The following PPP4R1 variants were observed in gnomAD, a reference collection of about 807,000 sequenced individuals.
The protein encoded by PPP4R1 is serine/threonine-protein phosphatase 4 regulatory subunit 1.
PPP4R1 carries 42 observed loss-of-function variants against 111.2 expected under a neutral mutation model. That is an observed-to-expected ratio of 0.38 (90% CI 0.29 to 0.49). The LOEUF (loss-of-function observed/expected upper bound fraction) is 0.49. Among genes scored for constraint, PPP4R1 ranks in the 20% least tolerant of loss-of-function variants. PPP4R1 has a pLI of 0.97. For synonymous variants in PPP4R1, 409 were observed against 405.5 expected, an observed-to-expected ratio of 1.01 and a Z score of -0.10; for missense variants, 1,012 against 1,161.6, an observed-to-expected ratio of 0.87 and a Z score of 1.87.
rs576137516 is a variant in PPP4R1, at chr18:9,592,083, C to T, written c.295+1685G>A. On this transcript the variant is annotated intron_variant, in intron 4 of 19. Transcript: ENST00000400556. ...AGACTCTGTCTCAAAAACAAAAACA[C>T]CCAATTAATTGGTATAGTCTTCCAA... 4.6e-5 allele frequency among the ~76,000 whole-genome samples: 7 copies of T among 152,212 alleles called. No homozygotes were observed. The South Asian group carries it at 1.2e-3, about 27-fold the overall frequency.
At chr18:9,563,033 G>A in intron 12 of PPP4R1, 1 of 1,032,384 alleles carries the variant, frequency 9.7e-7, no homozygotes, top group Non-Finnish European at 1.2e-6. Flanking sequence ...GGTCCGATCA[G>A]AAACAAAGCA....
At chr18:9,606,861 G>C (rs2067489892) in intron 2 of PPP4R1, among the ~76,000 whole-genome samples, 1 of 152,026 alleles carries the variant, frequency 6.6e-6, no homozygotes, top group African/African-American at 2.4e-5. Context: ...AAATATTATA[G>C]ATATTTGTTC....
rs2066837480 is a variant in PPP4R1, at chr18:9,570,206, T to C, written c.1524A>G (p.Glu508=). 6.4e-7 allele frequency: 1 copy of C among 1,557,190 alleles called. No individual in the cohort carries two copies. The highest frequency in any genetic ancestry group is 1.4e-5 in the African/African-American group (1 of 72,330). The part of the protein sequence containing the change: ...NITMATRKEL[E]EMIENLEPHI... ...GGGGCTCTAGATTTTCTATCATTTC[T>C]TCCAGTTCCTTTCTGGTGGCCATGG... Residue 508 remains glutamate, a synonymous_variant, in exon 11 of 20, where the codon GAA becomes GAG. Transcript: ENST00000400556.
rs551272543 is a variant in PPP4R1 at position 9,548,715 on chromosome 18, G to C, written c.2689+482C>G. Among the ~76,000 whole-genome samples, 446 of 152,294 alleles carry C rather than the reference G, an allele frequency of 2.9e-3. 2 individuals are homozygous for C. The highest frequency in any genetic ancestry group is 0.01 in the Middle Eastern group (3 of 294). On this transcript the variant is annotated intron_variant, in intron 19 of 19. Transcript: ENST00000400556. The stretch of plus-strand genomic sequence containing the variant: ...GCAGATCACATGAGGTCAGGAGTTC[G>C]AGACCGGCCTGGCCAACATGGTGAA...
At chr18:9,573,320 T>C (rs1036930) in intron 10 of PPP4R1, among the ~76,000 whole-genome samples, 23,772 of 152,146 alleles carry the variant, frequency 0.16, 2,496 homozygotes, top group African/African-American at 0.3. Context: ...AAGAAATACA[T>C]AGTATTTTAA....
At chr18:9,549,865 G>T (rs1598883207) in intron 18 of PPP4R1, 187 bp downstream of exon 18, 2 of 800,970 alleles carry the variant, frequency 2.5e-6, no homozygotes, top group African/African-American at 1.7e-5. Flanking sequence ...GGAGGGGCTT[G>T]GCTAGCTGGG....
At chr18:9,554,325 C>T (rs1239173736) in intron 15 of PPP4R1, among the ~76,000 whole-genome samples, 1 of 151,932 alleles carries the variant, frequency 6.6e-6, no homozygotes, top group Non-Finnish European at 1.5e-5. Context: ...GACGGGGATT[C>T]ACCGTGTTAG....
chr18:9,590,280 T>G (rs1335341888), intron 4 of PPP4R1: 1 of 152,232 alleles, frequency 6.6e-6, no homozygotes, highest in Non-Finnish European at 1.5e-5. Context: ...TTTACAAAGC[T>G]CAGAATCTTA....
chr18:9,577,935 C>T (rs1003711823), intron 9 of PPP4R1, among the ~76,000 whole-genome samples: 2 of 152,070 alleles, frequency 1.3e-5, no homozygotes, highest in Admixed American at 1.3e-4. Flanking sequence ...AATTTGTTCA[C>T]TAGAAGGAAG....
Position 9,595,150 on chromosome 18 carries a change from C to T in PPP4R1, c.56G>A (p.Gly19Asp), listed in dbSNP as rs369573535. ...EDLQEDADGF[G>D]VDDYSSESDV... Reference sequence around the variant, plus strand: ...AGACTCTGAGCTGTAGTCATCCACACCAACTATCAGAGACATCAGAAATAC... The same window carrying T: ...AGACTCTGAGCTGTAGTCATCCACATCAACTATCAGAGACATCAGAAATAC... The change falls in exon 3 of 20, where the codon GGT becomes GAT. Residue 19 changes from glycine to aspartate, a missense_variant. Gly to Asp is a moderately conservative substitution (Grantham distance 94). Transcript: ENST00000400556. 7 of 1,613,468 alleles carry T rather than the reference C, an allele frequency of 4.3e-6. No individual in the cohort carries two copies. In the African/African-American group the frequency reaches 8.0e-5, roughly 18 times the overall value.
chr18:9,611,260 C>T (rs1197811711), intron 2 of PPP4R1, among the ~76,000 whole-genome samples: 2 of 152,166 alleles, frequency 1.3e-5, no homozygotes, highest in African/African-American at 4.8e-5. Flanking sequence ...GACTTGTTTA[C>T]AACTACTCTG....
At chr18:9,596,357 G>A (rs1347302287) in intron 2 of PPP4R1, among the ~76,000 whole-genome samples, 1 of 152,052 alleles carries the variant, frequency 6.6e-6, no homozygotes, top group Non-Finnish European at 1.5e-5. Context: ...ATTATTTCCT[G>A]GCACTTCCTA....
intron 6 of PPP4R1, chr18:9,587,362 C>G (rs1259168071): frequency 6.6e-6 from 1 of 151,266 alleles, no homozygotes; most frequent in Non-Finnish European, 1.5e-5. Context: ...GCAACTTTAA[C>G]AGAAAGCAGC....
At chr18:9,609,399 C>CT (rs1415773869) in intron 2 of PPP4R1, among the ~76,000 whole-genome samples, 1 of 152,086 alleles carries the variant, frequency 6.6e-6, no homozygotes, top group Non-Finnish European at 1.5e-5. Flanking sequence ...AGCAAGGACT[C>CT]TAAGCTTATC....
In PPP4R1 at chr18:9,547,699, C is replaced by T. The variant is rs1341221842; in HGVS notation, c.*90G>A. On this transcript the variant is annotated 3_prime_UTR_variant, in exon 20 of 20. Transcript: ENST00000400556. ...CGCAGGAGAGGAAGGTCTCTCCTCC[C>T]CCGAAAGCTATCCCAGGTCACATGC... The T allele has an allele frequency of 6.7e-7, 1 of 1,496,192 alleles. No homozygotes were observed. Among genetic ancestry groups the T allele is most frequent in the South Asian group, 1.2e-5 (1 of 82,396 alleles). The allele number at this position is 1,496,192 out of a possible 1,614,324, so 92.7% of individuals were successfully genotyped here.
chr18:9,613,211 C>T (rs1242560279), intron 2 of PPP4R1, among the ~76,000 whole-genome samples: 2 of 152,154 alleles, frequency 1.3e-5, no homozygotes, highest in Non-Finnish European at 2.9e-5. Flanking sequence ...CCATGATCTT[C>T]GCTTATATAT....
Position 9,563,500 on chromosome 18 carries a change from G to A in PPP4R1, c.1624C>T (p.His542Tyr). 2 of 1,608,362 alleles carry A rather than the reference G, an allele frequency of 1.2e-6. No individual in the cohort carries two copies. The highest frequency in any genetic ancestry group is 1.3e-5 in the African/African-American group (1 of 74,938). The change falls in exon 12 of 20, where the codon CAT becomes TAT. Residue 542 changes from histidine to tyrosine, a missense_variant. Around this residue, in one of 2 missense-constraint regions of PPP4R1, gnomAD observed 707 missense variants for 742.1 expected, o/e 0.95. Transcript: ENST00000400556. ...TTTTCTATACTGATGGTCTCTTCAT[G>A]TGCATCCAGGCTGGAAGCACGTAGT... Reference protein sequence around the residue: ...AALRASSLDAHEETISIEKRS... With the variant: ...AALRASSLDAYEETISIEKRS...
chr18:9,579,778 C>A (rs1222037742), intron 9 of PPP4R1, among the ~76,000 whole-genome samples: 1 of 152,146 alleles, frequency 6.6e-6, no homozygotes, highest in Non-Finnish European at 1.5e-5. Flanking sequence ...TGTAAGTAAT[C>A]TAGAGACGAT....
chr18:9,590,773 C>CA (rs1463587374), intron 4 of PPP4R1, among the ~76,000 whole-genome samples: 1 of 151,020 alleles, frequency 6.6e-6, no homozygotes, highest in Non-Finnish European at 1.5e-5. Context: ...AATGTCAAGG[C>CA]AAAAAACAAT....
Sources: gnomAD v4.1 joint callset for allele counts (sites outside exome capture counted in the v4.1 genomes callset) on GRCh38, gnomAD v4.1.1 for gene constraint, gnomAD v4.1.1 regional missense constraint, MANE v1.5 for transcripts, NCBI Gene and HGNC (gene_info 2026-07-23, HGNC 2026-07-21) for gene names.